Variants in GATAD2A observed in about 807,000 individuals in gnomAD.
The protein encoded by GATAD2A is GATA zinc finger domain containing 2A.
In GATAD2A, 12 loss-of-function variants were observed where a neutral mutation model predicts 68.5. That is an observed-to-expected ratio of 0.18 (90% CI 0.11 to 0.28). The LOEUF is 0.28. Ranked by LOEUF, GATAD2A falls within the 10% of genes least tolerant of loss-of-function variation. GATAD2A has a pLI of 1.00. For synonymous variants in GATAD2A, 410 were observed against 375.3 expected (o/e 1.09, Z -1.07); for missense variants, 755 against 868.5 (o/e 0.87, Z 1.64).
chr19:19,501,718 C>T (rs189173534), intron 9 of GATAD2A, among the ~76,000 whole-genome samples: 2 of 152,318 alleles, frequency 1.3e-5, no homozygotes, highest in Admixed American at 6.5e-5. Flanking sequence ...AGTTTGAAAT[C>T]AAGTTTTTTG....
chr19:19,433,835 C>T (rs55823486), intron 1 of GATAD2A, among the ~76,000 whole-genome samples: 3,120 of 152,310 alleles, frequency 0.02, 43 homozygotes, highest in Non-Finnish European at 0.033. Context: ...AATGCAGTGG[C>T]ACAGTCACGG....
At chr19:19,487,591 C>G (rs955616821) in intron 2 of GATAD2A, among the ~76,000 whole-genome samples, 2 of 151,840 alleles carry the variant, frequency 1.3e-5, no homozygotes, top group Non-Finnish European at 1.5e-5. Flanking sequence ...CTGCTCAGAC[C>G]TGCACTCCCC....
At chr19:19,403,400 A>G (rs1382433834), upstream of GATAD2A, among the ~76,000 whole-genome samples, 2 of 152,104 alleles carry the variant, frequency 1.3e-5, no homozygotes, top group Non-Finnish European at 2.9e-5. Flanking sequence ...TAAACCCTGT[A>G]GCTATTTCAC....
intron 1 of GATAD2A, among the ~76,000 whole-genome samples, chr19:19,414,968 T>C (rs984313348): frequency 6.8e-6 from 1 of 147,984 alleles, no homozygotes; most frequent in African/African-American, 2.5e-5. Context: ...AAAAAAAAAC[T>C]ATAGTGGCCA....
intron 1 of GATAD2A, chr19:19,465,017 T>G (rs2057755216): frequency 2.4e-6 from 1 of 421,800 alleles, no homozygotes; most frequent in Non-Finnish European, 4.4e-6. Context: ...GTTGAGCCTT[T>G]CCTTGCTGAT....
rs2060915150 is a variant in GATAD2A at position 19,507,495 on chromosome 19, C to T, written c.*2021C>T. 1.3e-5 allele frequency: 2 copies of T among 152,174 alleles called. No homozygotes were observed. Among genetic ancestry groups the T allele is most frequent in the South Asian group, 2.1e-4 (1 of 4,826 alleles). 9.4% of individuals were successfully genotyped at this position (152,174 alleles called of 1,614,324 possible). On this transcript the variant is annotated 3_prime_UTR_variant, in exon 12 of 12. Coordinates refer to ENST00000683918, the MANE Select transcript of GATAD2A (RefSeq NM_001384528.1). ...GTGGCTGGGGATCAGGCATCCAGAC[C>T]GAAGTCACCTCTGCCTGCTCCAGCT...
intron 1 of GATAD2A, among the ~76,000 whole-genome samples, chr19:19,440,819 A>G (rs1260339626): frequency 6.6e-6 from 1 of 152,256 alleles, no homozygotes; most frequent in Non-Finnish European, 1.5e-5. Context: ...CTTATTTCTG[A>G]TAACTTTAAA....
chr19:19,481,224 C>T (rs1268726525), intron 2 of GATAD2A, among the ~76,000 whole-genome samples: 2 of 152,158 alleles, frequency 1.3e-5, no homozygotes, highest in Non-Finnish European at 2.9e-5. Flanking sequence ...TTACTCTCCC[C>T]ACACCAGGCC....
At chr19:19,407,908 T>G (rs1165042736) in intron 1 of GATAD2A, among the ~76,000 whole-genome samples, 1 of 152,258 alleles carries the variant, frequency 6.6e-6, no homozygotes, top group Non-Finnish European at 1.5e-5. Context: ...CAGTTCTTAT[T>G]TGTCTCATAA....
chr19:19,491,142 G>T (rs1467045875), intron 2 of GATAD2A, among the ~76,000 whole-genome samples: 1 of 152,198 alleles, frequency 6.6e-6, no homozygotes, highest in Non-Finnish European at 1.5e-5. Context: ...GGGGTGCCTT[G>T]AGCACTTGTC....
intron 7 of GATAD2A, 74 bp downstream of exon 7, chr19:19,496,293 T>A: frequency 7.5e-7 from 1 of 1,337,840 alleles, no homozygotes; most frequent in Non-Finnish European, 1.1e-6. Flanking sequence ...ACCCAGGTTC[T>A]GGGGCACAGT....
At chr19:19,466,094 C>T (rs1363978546) in intron 2 of GATAD2A, among the ~76,000 whole-genome samples, 2 of 152,220 alleles carry the variant, frequency 1.3e-5, no homozygotes, top group African/African-American at 4.8e-5. Context: ...GATGCTCACT[C>T]GACTCCATGT....
intron 1 of GATAD2A, among the ~76,000 whole-genome samples, chr19:19,442,964 A>G (rs976734978): frequency 6.6e-5 from 10 of 151,986 alleles, no homozygotes; most frequent in Non-Finnish European, 8.8e-5. Context: ...GGCGAGGGCA[A>G]GGTTCCCTCG....
intron 1 of GATAD2A, chr19:19,457,151 C>T: frequency 1.0e-6 from 1 of 985,326 alleles, no homozygotes; most frequent in Non-Finnish European, 1.2e-6. Context: ...TGCTCTGTGA[C>T]TGACACTCTT....
chr19:19,495,379 G>C (rs918688588), intron 5 of GATAD2A, among the ~76,000 whole-genome samples: 1 of 151,922 alleles, frequency 6.6e-6, no homozygotes, highest in Non-Finnish European at 1.5e-5. Context: ...CGCGATCTTG[G>C]GTCACTGCAA....
chr19:19,455,041 C>T (rs1232934579), intron 1 of GATAD2A, among the ~76,000 whole-genome samples: 2 of 152,142 alleles, frequency 1.3e-5, no homozygotes, highest in African/African-American at 4.8e-5. Context: ...TCTTTGAGTT[C>T]TACCAACCGT....
Position 19,475,143 on chromosome 19 carries a change from C to CCCCGCAGCTGCTCCCGG in GATAD2A, c.269+9535_269+9551dup, listed in dbSNP as rs1211328247. 1.1e-4 allele frequency among the ~76,000 whole-genome samples: 17 copies of CCCCGCAGCTGCTCCCGG among 152,360 alleles called. No homozygotes were observed. In the South Asian group the frequency reaches 3.5e-3, roughly 32 times the overall value. On this transcript the variant is annotated intron_variant, in intron 2 of 11. Coordinates refer to ENST00000683918, the MANE Select transcript of GATAD2A (RefSeq NM_001384528.1). ...ACCCCCTGCTCTCAGGACTATGCCT[C>CCCCGCAGCTGCTCCCGG]CCCGCAGCTGCTCCCGGCCCGCCGG...
At chr19:19,500,847 G>C (rs2060479418) in intron 8 of GATAD2A, among the ~76,000 whole-genome samples, 2 of 152,224 alleles carry the variant, frequency 1.3e-5, no homozygotes, top group Non-Finnish European at 2.9e-5. Context: ...ACACAAGCAA[G>C]GGTGCCCACC....
At chr19:19,499,917 C>T (rs918009659) in intron 8 of GATAD2A, among the ~76,000 whole-genome samples, 9 of 152,182 alleles carry the variant, frequency 5.9e-5, no homozygotes, top group African/African-American at 1.7e-4. Context: ...TGACACAGCC[C>T]GGCTGGTGCC....
Sources: allele counts gnomAD v4.1 joint callset (sites outside exome capture counted in the v4.1 genomes callset), GRCh38; gene constraint gnomAD v4.1.1; transcripts MANE v1.5; gene names NCBI Gene and HGNC (gene_info 2026-07-23, HGNC 2026-07-21).